CNTN6: variants seen among roughly 807,000 people sequenced by gnomAD.
CNTN6 encodes the protein contactin 6, also known as contactin-6.
In CNTN6, 137 loss-of-function variants were observed where a neutral mutation model predicts 122.8. The observed-to-expected ratio is 1.12, with a 90% CI of 0.97 to 1.29. CNTN6 has a LOEUF of 1.29. Ranked by LOEUF, CNTN6 falls within the 50% of genes most tolerant of loss-of-function variation. CNTN6 has a pLI of 0.00. For missense variants in CNTN6, 1,634 were observed against 1,223.4 expected, an observed-to-expected ratio of 1.34 and a Z score of -5.01; for synonymous variants, 570 against 426.0, an observed-to-expected ratio of 1.34 and a Z score of -4.16.
intron 4 of CNTN6, among the ~76,000 whole-genome samples, chr3:1,269,123 A>T (rs1016206699): frequency 2.7e-4 from 41 of 149,622 alleles, no homozygotes; most frequent in Admixed American, 2.0e-3. Context: ...CTTTAATTGT[A>T]TTATGTCATT....
intron 12 of CNTN6, among the ~76,000 whole-genome samples, chr3:1,363,846 A>AT (rs2126112579): frequency 6.6e-6 from 1 of 152,058 alleles, no homozygotes; most frequent in African/African-American, 2.4e-5. Flanking sequence ...ACTGTTTTCC[A>AT]TAATAGCTGT....
At chr3:1,400,267 T>C (rs796322107) in intron 20 of CNTN6, among the ~76,000 whole-genome samples, 14 of 152,180 alleles carry the variant, frequency 9.2e-5, no homozygotes, top group African/African-American at 2.9e-4. Flanking sequence ...ATCTCAAAAA[T>C]AGTCATGTGG....
At chr3:1,308,629 T>C (rs407697) in intron 7 of CNTN6, among the ~76,000 whole-genome samples, 41,469 of 151,684 alleles carry the variant, frequency 0.27, 8,685 homozygotes, top group African/African-American at 0.59. Flanking sequence ...TATGATCTTG[T>C]TGTTGTCTCC....
At position 1,321,687 on chromosome 3, in the gene CNTN6, A is replaced by G. The variant is rs755642212; in HGVS notation, c.799A>G (p.Ser267Gly). 7 of 1,611,544 alleles carry G rather than the reference A, an allele frequency of 4.3e-6. No homozygotes were observed. Among genetic ancestry groups the G allele is most frequent in the South Asian group, 1.1e-5 (1 of 90,988 alleles). ...PDISWRRLDGSPLPGKVKYSK... is the reference protein window; with the variant it reads ...PDISWRRLDGGPLPGKVKYSK... ...TATTAGTTGGAGAAGGTTGGACGGG[A>G]GCCCGTTGCCAGGGAAAGTCAAGTA... The change falls in exon 8 of 23, where the codon AGC (serine) becomes GGC (glycine). Residue 267 changes from serine (S) to glycine (G), a missense_variant. Coordinates refer to ENST00000446702, the MANE Select transcript of CNTN6 (RefSeq NM_001289080.2).
At chr3:1,348,746 C>T (rs78782126) in intron 11 of CNTN6, among the ~76,000 whole-genome samples, 1,908 of 151,978 alleles carry the variant, frequency 0.013, 45 homozygotes, top group African/African-American at 0.043. Context: ...CTGAGCCCTC[C>T]GCCATCTAGT....
chr3:1,257,656 T>C (rs75199238), intron 4 of CNTN6, among the ~76,000 whole-genome samples: 3,346 of 152,156 alleles, frequency 0.022, 97 homozygotes, highest in African/African-American at 0.072. Context: ...GGCAGTACAA[T>C]ATAGTAGTTA....
At chr3:1,200,124 C>T (rs932585996) in intron 2 of CNTN6, among the ~76,000 whole-genome samples, 14 of 152,062 alleles carry the variant, frequency 9.2e-5, no homozygotes, top group African/African-American at 2.7e-4. Flanking sequence ...ATGTTCACCT[C>T]CTGGGTTTAA....
chr3:1,118,005 C>T (rs189014864), intron 1 of CNTN6, among the ~76,000 whole-genome samples: 283 of 152,250 alleles, frequency 1.9e-3, no homozygotes, highest in Middle Eastern at 3.4e-3. Flanking sequence ...GTAATCACTT[C>T]CCAAATAAGC....
chr3:1,356,175 T>A (rs553018963), intron 12 of CNTN6, among the ~76,000 whole-genome samples: 2 of 151,812 alleles, frequency 1.3e-5, no homozygotes, highest in African/African-American at 4.8e-5. Context: ...AATTATTTGA[T>A]CTGGCATTTG....
intron 5 of CNTN6, among the ~76,000 whole-genome samples, chr3:1,294,122 A>G (rs1695800743): frequency 6.6e-6 from 1 of 152,164 alleles, no homozygotes; most frequent in Admixed American, 6.6e-5. Flanking sequence ...GAAAAATAAA[A>G]ATGTATACAG....
intron 4 of CNTN6, among the ~76,000 whole-genome samples, chr3:1,241,513 A>C (rs940780948): frequency 3.9e-5 from 6 of 152,092 alleles, no homozygotes; most frequent in Non-Finnish European, 8.8e-5. Context: ...TGAATTGAGA[A>C]GCTAAACGGA....
intron 4 of CNTN6, among the ~76,000 whole-genome samples, chr3:1,266,949 C>CTTTT (rs1036704755): frequency 6.0e-4 from 54 of 90,400 alleles, no homozygotes; most frequent in African/African-American, 1.2e-3. Flanking sequence ...CAGCCTGGCC[C>CTTTT]TTTTTTTTTT....
intron 7 of CNTN6, among the ~76,000 whole-genome samples, chr3:1,313,905 A>G (rs1699747557): frequency 6.6e-6 from 1 of 152,022 alleles, no homozygotes. Context: ...TGGAAGAGAA[A>G]AACAAGCTCC....
intron 2 of CNTN6, among the ~76,000 whole-genome samples, chr3:1,160,662 T>TA (rs34452868): frequency 0.071 from 9,639 of 136,094 alleles, 388 homozygotes; most frequent in Middle Eastern, 0.13. Context: ...TAAATGTACG[T>TA]AAAAAAAAAA....
chr3:1,382,104 T>TGA (rs200758883), intron 17 of CNTN6, among the ~76,000 whole-genome samples: 1 of 143,260 alleles, frequency 7.0e-6, no homozygotes, highest in Non-Finnish European at 1.6e-5. Context: ...AGAATATTTA[T>TGA]TAAAAAAAAA....
At position 1,093,120 on chromosome 3, in the gene CNTN6, G is replaced by C. The variant is rs908112858; in HGVS notation, c.-83G>C. 3 of 284,072 alleles carry C rather than the reference G, an allele frequency of 1.1e-5. No homozygotes were observed. The highest frequency in any genetic ancestry group is 4.4e-5 in the African/African-American group (2 of 45,398). 17.6% of individuals were successfully genotyped at this position (284,072 alleles called of 1,614,324 possible). ...TGTAAAGATCCCGAGACATTTCCCT[G>C]GTAAGATCTGTAAGTACAAAATTGT... On this transcript the variant is annotated splice_region_variant and 5_prime_UTR_variant, in exon 1 of 23. Coordinates refer to ENST00000446702, the MANE Select transcript of CNTN6 (RefSeq NM_001289080.2).
intron 11 of CNTN6, among the ~76,000 whole-genome samples, chr3:1,332,526 G>GGAAGGGGTGAGCAAGGAAT (rs1553687733): frequency 6.7e-6 from 1 of 149,586 alleles, no homozygotes; most frequent in Non-Finnish European, 1.5e-5. Context: ...AAGGAAGGAA[G>GGAAGGGGTGAGCAAGGAAT]GAAGGAGGGA....
At chr3:1,331,705 A>G (rs1313228193) in intron 11 of CNTN6, among the ~76,000 whole-genome samples, 1 of 151,922 alleles carries the variant, frequency 6.6e-6, no homozygotes, top group East Asian at 1.9e-4. Context: ...CTCATTTAAT[A>G]AAGTAACTCA....
At chr3:1,222,605 A>G (rs190520819) in intron 3 of CNTN6, among the ~76,000 whole-genome samples, 43 of 152,300 alleles carry the variant, frequency 2.8e-4, no homozygotes, top group African/African-American at 9.6e-4. Flanking sequence ...CAATGTTGTT[A>G]AATGGCTTTT....
Sources: allele counts gnomAD v4.1 joint callset (sites outside exome capture counted in the v4.1 genomes callset), GRCh38; gene constraint gnomAD v4.1.1; transcripts MANE v1.5; gene names NCBI Gene and HGNC (gene_info 2026-07-23, HGNC 2026-07-21).